The following TMEM164 variants were observed in gnomAD, a reference collection of about 807,000 sequenced individuals.
TMEM164 encodes the protein RP13-360B22.2.
TMEM164 carries 4 observed loss-of-function variants against 18.8 expected under a neutral mutation model. The observed-to-expected ratio is 0.21, with a 90% CI of 0.10 to 0.49. The LOEUF (loss-of-function observed/expected upper bound fraction) is 0.49, where lower values mean the gene tolerates loss of function less well. TMEM164 is among the 20% of genes least tolerant of loss of function. The probability of loss-of-function intolerance (pLI) is 0.98; values close to 1 mark genes in which losing one functional copy is unlikely to be tolerated. For synonymous variants in TMEM164, 86 were observed against 101.7 expected, an observed-to-expected ratio of 0.85 and a Z score of 0.93; for missense variants, 108 against 239.9, an observed-to-expected ratio of 0.45 and a Z score of 3.63.
intron 4 of TMEM164, among the ~76,000 whole-genome samples, chrX:110,139,191 G>A (rs1469650527): frequency 8.9e-6 from 1 of 112,366 alleles, no homozygotes; most frequent in Non-Finnish European, 1.9e-5. Flanking sequence ...GAGAAAAACA[G>A]ACAATTGCTG....
intron 2 of TMEM164, among the ~76,000 whole-genome samples, chrX:110,041,547 G>A (rs1935093467): frequency 9.0e-6 from 1 of 111,497 alleles, no homozygotes; most frequent in Non-Finnish European, 1.9e-5. Context: ...TCATTTTAAA[G>A]GGGTGAAGAA....
intron 4 of TMEM164, among the ~76,000 whole-genome samples, chrX:110,118,719 C>A (rs1047423236): frequency 9.0e-6 from 1 of 110,906 alleles, no homozygotes; most frequent in African/African-American, 3.3e-5. Flanking sequence ...CTTTATGAGG[C>A]AAAATGTGTA....
chrX:110,105,571 GC>G (rs1359438476), intron 3 of TMEM164, among the ~76,000 whole-genome samples: 1 of 109,197 alleles, frequency 9.2e-6, no homozygotes, highest in Non-Finnish European at 1.9e-5. Context: ...CAGGATAGTT[GC>G]CACAGAACAC....
At position 110,173,460 on chromosome X, in the gene TMEM164, ATT is replaced by A. The variant is rs34813944; in HGVS notation, c.*22_*23del. 6.6e-3 allele frequency: 6,517 copies of A among 994,692 alleles called. No individual in the cohort carries two copies. The East Asian group carries it at 0.12, about 19-fold the overall frequency. The allele number at this position is 994,692 out of a possible 1,213,427, so 82.0% of individuals were successfully genotyped here. On this transcript the variant is annotated 3_prime_UTR_variant, in exon 7 of 7. Coordinates refer to ENST00000372068, the MANE Select transcript of TMEM164 (RefSeq NM_032227.4). ...CCAAGAAAATAGACTGAAGGTGCTT[ATT>A]TTTTTTTTTTTTCCTCCCTGAGGAA...
chrX:110,063,230 C>T (rs974159824), intron 2 of TMEM164, among the ~76,000 whole-genome samples: 1 of 111,847 alleles, frequency 8.9e-6, no homozygotes, highest in Non-Finnish European at 1.9e-5. Context: ...CATTGCTTAC[C>T]CTGGCTAGCC....
At chrX:110,170,427 C>T (rs769860502) in intron 5 of TMEM164, among the ~76,000 whole-genome samples, 12 of 112,701 alleles carry the variant, frequency 1.1e-4, no homozygotes, top group Non-Finnish European at 2.2e-4. Context: ...TGCCTCATAA[C>T]TGTTGAATGA....
chrX:110,020,040 A>T (rs1197106198), intron 2 of TMEM164, among the ~76,000 whole-genome samples: 1 of 112,183 alleles, frequency 8.9e-6, no homozygotes, highest in African/African-American at 3.2e-5. Context: ...GGCTCAGCCC[A>T]AACACTCCCT....
Position 110,176,560 on chromosome X carries a change from T to G in TMEM164, c.*3109T>G, listed in dbSNP as rs1426684246. ...TTACCGTACAGTACCTCAGTCTAGC[T>G]GTCAGATCACCCCTTTTGCTGTAGC... is the stretch of plus-strand genomic sequence containing the variant. On this transcript the variant is annotated 3_prime_UTR_variant, in exon 7 of 7. Transcript: ENST00000372068. 1.6e-5 allele frequency: 4 copies of G among 243,668 alleles called. No homozygotes were observed. The highest frequency in any genetic ancestry group is 2.3e-5 in the Non-Finnish European group (4 of 173,978). The allele number at this position is 243,668 out of a possible 1,213,427, so 20.1% of individuals were successfully genotyped here.
Position 110,003,838 on chromosome X carries a change from G to T in TMEM164, c.64G>T (p.Ala22Ser). The change falls in exon 2 of 7, where the codon GCA (alanine) becomes TCA (serine). Residue 22 changes from alanine to serine, a missense_variant. Ala to Ser is a moderately conservative substitution (Grantham distance 99, BLOSUM62 1). Transcript: ENST00000372068. ...WLYGGVDPSFAGNGGPDCAAF... is the reference protein window; with the variant it reads ...WLYGGVDPSFSGNGGPDCAAF... ...CTATGGGGGCGTGGACCCCAGTTTT[G>T]CAGGCAATGGGGGCCCCGACTGTGC... 1 of 1,211,394 alleles carries T rather than the reference G, an allele frequency of 8.3e-7. No individual in the cohort carries two copies. The highest frequency in any genetic ancestry group is 1.1e-6 in the Non-Finnish European group (1 of 895,261).
At chrX:110,159,101 A>T (rs542112611) in intron 5 of TMEM164, among the ~76,000 whole-genome samples, 1 of 111,878 alleles carries the variant, frequency 8.9e-6, no homozygotes, top group South Asian at 3.7e-4. Flanking sequence ...ATCTAATAAA[A>T]TGTGGTTTGA....
intron 2 of TMEM164, 121 bp downstream of exon 2, chrX:110,004,285 C>G: frequency 2.3e-6 from 2 of 882,035 alleles, no homozygotes; most frequent in South Asian, 5.0e-5. Flanking sequence ...AAATGATTTT[C>G]CAACGAGTGG....
At chrX:110,180,142 C>T (rs956418603), downstream of TMEM164, among the ~76,000 whole-genome samples, 9 of 112,466 alleles carry the variant, frequency 8.0e-5, no homozygotes, top group African/African-American at 2.9e-4. Flanking sequence ...GCAAGGTGTC[C>T]AACTGCTTTT....
At chrX:110,044,159 G>A (rs1405014939) in intron 2 of TMEM164, among the ~76,000 whole-genome samples, 2 of 112,232 alleles carry the variant, frequency 1.8e-5, no homozygotes, top group East Asian at 5.6e-4. Context: ...ATGAGCACTG[G>A]GAAGAGTTAC....
chrX:110,090,722 A>G (rs930077983), intron 3 of TMEM164, among the ~76,000 whole-genome samples: 3 of 111,268 alleles, frequency 2.7e-5, no homozygotes, highest in Non-Finnish European at 3.8e-5. Context: ...TTTATTTTTT[A>G]TTATACTTTA....
intron 2 of TMEM164, among the ~76,000 whole-genome samples, chrX:110,057,678 T>C (rs910737680): frequency 5.5e-5 from 6 of 109,829 alleles, no homozygotes; most frequent in African/African-American, 1.3e-4. Context: ...TTTTTTATAA[T>C]AGCCATTCTG....
chrX:110,122,213 G>A (rs1253071484), intron 4 of TMEM164, among the ~76,000 whole-genome samples: 1 of 108,110 alleles, frequency 9.2e-6, no homozygotes, highest in African/African-American at 3.4e-5. Flanking sequence ...AAGAAAATGT[G>A]GCACATATAC....
At chrX:110,016,413 T>C (rs1292374045) in intron 2 of TMEM164, among the ~76,000 whole-genome samples, 1 of 111,639 alleles carries the variant, frequency 9.0e-6, no homozygotes, top group Admixed American at 9.5e-5. Context: ...AGGACCTCCC[T>C]TAGGCCTTTA....
At chrX:110,047,702 C>T (rs1320835499) in intron 2 of TMEM164, among the ~76,000 whole-genome samples, 1 of 111,719 alleles carries the variant, frequency 9.0e-6, no homozygotes, top group Non-Finnish European at 1.9e-5. Flanking sequence ...CCAGACATTC[C>T]CCAACAAGTG....
chrX:110,018,742 T>C (rs1333275951), intron 2 of TMEM164, among the ~76,000 whole-genome samples: 1 of 112,334 alleles, frequency 8.9e-6, no homozygotes, highest in African/African-American at 3.2e-5. Context: ...GTGTTTAGAA[T>C]AGTGGTGCAT....
Sources: gnomAD v4.1 joint callset for allele counts (sites outside exome capture counted in the v4.1 genomes callset) on GRCh38, gnomAD v4.1.1 for gene constraint, MANE v1.5 for transcripts, NCBI Gene and HGNC (gene_info 2026-07-23, HGNC 2026-07-21) for gene names.